ANO2: variants seen among roughly 807,000 people sequenced by gnomAD.
ANO2 encodes anoctamin 2.
ANO2 carries 101 observed loss-of-function variants against 124.2 expected under a neutral mutation model. That is an observed-to-expected ratio of 0.81 (90% CI 0.69 to 0.96). The LOEUF is 0.96. Ranked by LOEUF, ANO2 falls within the 40% of genes least tolerant of loss-of-function variation. The pLI, the probability that ANO2 is intolerant of heterozygous loss-of-function variation, is 0.00. For missense variants in ANO2, 1,293 were observed against 1,274.5 expected, an observed-to-expected ratio of 1.01 and a Z score of -0.22; for synonymous variants, 486 against 482.5, an observed-to-expected ratio of 1.01 and a Z score of -0.09.
At position 5,850,498 on chromosome 12, in the gene ANO2, C is replaced by T. The variant is rs149840998; in HGVS notation, c.633+3545G>A. Among the ~76,000 whole-genome samples, 1,111 of 151,904 alleles carry T rather than the reference C, an allele frequency of 7.3e-3. 13 individuals carry two copies. Among genetic ancestry groups the T allele is most frequent in the African/African-American group, 0.025 (1,021 of 41,410 alleles). The stretch of plus-strand genomic sequence containing the variant: ...GGAAGCCAAAACAGTCCCCCTGAGT[C>T]GAGTCTGGGACCAAGAAACTTTGGG... On this transcript the variant is annotated intron_variant, in intron 4 of 24. Coordinates refer to ENST00000682330, the MANE Select transcript of ANO2 (RefSeq NM_001364791.2).
chr12:5,825,207 G>GT lies in ANO2; in HGVS notation c.892+2561dup, dbSNP rs534894240. ...GGACTCATGCTCATGGAATTCACTG[G>GT]TCTTACCATGTTCCCCATCATCCTG... On this transcript the variant is annotated intron_variant, in intron 7 of 24. Coordinates refer to ENST00000682330, the MANE Select transcript of ANO2 (RefSeq NM_001364791.2). 1.8e-3 allele frequency among the ~76,000 whole-genome samples: 270 copies of GT among 152,306 alleles called. 3 individuals carry two copies. The highest frequency in any genetic ancestry group is 4.2e-3 in the East Asian group (22 of 5,182).
intron 6 of ANO2, 56 bp from the exon 7 acceptor site, chr12:5,827,876 GTGTGTCACCCTCACCAC>G: frequency 6.4e-7 from 1 of 1,564,614 alleles, no homozygotes; most frequent in Non-Finnish European, 8.7e-7. Flanking sequence ...GCCCTCCACC[GTGTGTCACCCTCACCAC>G]TGCCTGGCAG....
At chr12:5,849,375 A>G (rs1954793673) in intron 4 of ANO2, among the ~76,000 whole-genome samples, 1 of 152,242 alleles carries the variant, frequency 6.6e-6, no homozygotes. Context: ...TCATTCATAT[A>G]TACAAAAAAA....
chr12:5,563,378 C>A lies in ANO2; in HGVS notation c.2918G>T (p.Arg973Leu). 1 of 1,605,250 alleles carries A rather than the reference C, an allele frequency of 6.2e-7. No homozygotes were observed. Among genetic ancestry groups the A allele is most frequent in the East Asian group, 2.2e-5 (1 of 44,528 alleles). ...GCCTGAAGGTGCTGAGCTGGCTGCC[C>A]GGCTCCTGCTTCGATCCCCACCTCC... is the stretch of plus-strand genomic sequence containing the variant. Reference protein sequence around the residue: ...SPGGGDRSRSRAASSAPSGQS... With the variant: ...SPGGGDRSRSLAASSAPSGQS... Residue 973 changes from arginine to leucine, a missense_variant, in exon 25 of 25, where the codon CGG (arginine) becomes CTG (leucine). Transcript: ENST00000682330.
chr12:5,563,691 A>G (rs1591629502), intron 24 of ANO2, 123 bp from the exon 25 acceptor site: 2 of 1,260,222 alleles, frequency 1.6e-6, no homozygotes, highest in South Asian at 1.4e-5. Flanking sequence ...AGTGATCGCA[A>G]CCAGTGAGCA....
At chr12:5,708,199 C>T (rs1949687142) in intron 14 of ANO2, among the ~76,000 whole-genome samples, 1 of 152,166 alleles carries the variant, frequency 6.6e-6, no homozygotes, top group South Asian at 2.1e-4. Flanking sequence ...GTATCTACAC[C>T]TCCTTCTTAT....
intron 1 of ANO2, among the ~76,000 whole-genome samples, chr12:5,927,694 T>C (rs1356268756): frequency 6.6e-6 from 1 of 152,184 alleles, no homozygotes; most frequent in Non-Finnish European, 1.5e-5. Context: ...AAAAAGCATT[T>C]TGAAAACATT....
chr12:5,839,075 T>C (rs1015013418), intron 4 of ANO2, among the ~76,000 whole-genome samples: 9 of 152,100 alleles, frequency 5.9e-5, no homozygotes, highest in African/African-American at 1.7e-4. Flanking sequence ...ATACTGGACA[T>C]CAGGCAATGA....
rs139409350 is a variant in ANO2 at position 5,818,118 on chromosome 12, T to C, written c.892+9651A>G. On this transcript the variant is annotated intron_variant, in intron 7 of 24. Transcript: ENST00000682330. ...TGGTTAATACTGAGTGTCAACTTGA[T>C]TGGATCGCAGGATGCAAAGTATTAA... Among the ~76,000 whole-genome samples the C allele has an allele frequency of 3.6e-3, 541 of 152,080 alleles. 5 individuals carry two copies. Among genetic ancestry groups the C allele is most frequent in the African/African-American group, 0.013 (524 of 41,472 alleles).
intron 14 of ANO2, among the ~76,000 whole-genome samples, chr12:5,711,695 A>G (rs765279444): frequency 1.3e-5 from 2 of 152,178 alleles, no homozygotes; most frequent in Non-Finnish European, 2.9e-5. Context: ...CAAAAATGTG[A>G]AACTGCTCCC....
chr12:5,825,457 G>A (rs745442633), intron 7 of ANO2, among the ~76,000 whole-genome samples: 5 of 152,166 alleles, frequency 3.3e-5, no homozygotes, highest in Non-Finnish European at 7.3e-5. Context: ...CGCCCCTAGT[G>A]ATCCACTAGC....
chr12:5,878,964 T>G (rs1938297924), intron 3 of ANO2, among the ~76,000 whole-genome samples: 1 of 152,184 alleles, frequency 6.6e-6, no homozygotes, highest in Admixed American at 6.5e-5. Context: ...AACATTTGGT[T>G]TGAAGAAAGA....
At chr12:5,653,117 A>G (rs758856555) in intron 14 of ANO2, among the ~76,000 whole-genome samples, 1 of 152,246 alleles carries the variant, frequency 6.6e-6, no homozygotes, top group Non-Finnish European at 1.5e-5. Context: ...CCAAGTGGCC[A>G]GGACTGGAGT....
intron 14 of ANO2, among the ~76,000 whole-genome samples, chr12:5,690,631 C>G (rs367619841): frequency 6.6e-6 from 1 of 152,188 alleles, no homozygotes; most frequent in Non-Finnish European, 1.5e-5. Flanking sequence ...CCTTAAGCAT[C>G]CCAAGTATCA....
chr12:5,848,588 G>A (rs774784342), intron 4 of ANO2, among the ~76,000 whole-genome samples: 1 of 152,166 alleles, frequency 6.6e-6, no homozygotes, highest in Non-Finnish European at 1.5e-5. Context: ...GCACCACGGG[G>A]CCCCAGCAGT....
intron 14 of ANO2, among the ~76,000 whole-genome samples, chr12:5,654,799 T>A (rs962372146): frequency 6.6e-6 from 1 of 152,192 alleles, no homozygotes; most frequent in Admixed American, 6.5e-5. Flanking sequence ...GTCTGGCCCA[T>A]CACTCCAGTC....
intron 14 of ANO2, among the ~76,000 whole-genome samples, chr12:5,720,229 C>G (rs1370622730): frequency 6.6e-6 from 1 of 152,166 alleles, no homozygotes; most frequent in African/African-American, 2.4e-5. Flanking sequence ...GCCTCTGTGT[C>G]TCCATCCACA....
At position 5,851,075 on chromosome 12, in the gene ANO2, C is replaced by A. The variant is rs560897097; in HGVS notation, c.633+2968G>T. Among the ~76,000 whole-genome samples the A allele has an allele frequency of 3.9e-5, 6 of 152,248 alleles. No homozygotes were observed. In the East Asian group the frequency reaches 1.2e-3, roughly 29 times the overall value. The stretch of plus-strand genomic sequence containing the variant: ...GAAGTCTCTTCTTCTGAGGACTCGA[C>A]TAGTGCTGTGTCTACCAAAATGCAA... On this transcript the variant is annotated intron_variant, in intron 4 of 24. Transcript: ENST00000682330.
rs149237528 is a variant in ANO2, at chr12:5,730,653, T to G, written c.1545+1867A>C. Among the ~76,000 whole-genome samples the G allele has an allele frequency of 2.6e-5, 4 of 152,348 alleles. No homozygotes were observed. The East Asian group carries it at 7.7e-4, about 29-fold the overall frequency. ...TGCAGCAATGCTATGCGGTGGGTAT[T>G]GACTACAACTCTTCCTGCAGACAAG... On this transcript the variant is annotated intron_variant, in intron 14 of 24. Transcript: ENST00000682330.
Sources: gnomAD v4.1 joint callset for allele counts (sites outside exome capture counted in the v4.1 genomes callset) on GRCh38, gnomAD v4.1.1 for gene constraint, MANE v1.5 for transcripts, NCBI Gene and HGNC (gene_info 2026-07-23, HGNC 2026-07-21) for gene names.